The following SLAIN1 variants were observed in gnomAD, a reference collection of about 807,000 sequenced individuals.
SLAIN1 encodes SLAIN motif-containing protein 1.
In SLAIN1, 17 loss-of-function variants were observed where a neutral mutation model predicts 55.4. The observed-to-expected ratio is 0.31, with a 90% CI of 0.21 to 0.46. SLAIN1 has a LOEUF of 0.46. Ranked by LOEUF, SLAIN1 falls within the 20% of genes least tolerant of loss-of-function variation. The pLI is 1.00. For missense variants in SLAIN1, 682 were observed against 785.1 expected (o/e 0.87, Z 1.57); for synonymous variants, 348 against 337.4 (o/e 1.03, Z -0.35).
rs543286961 is a variant in SLAIN1, at chr13:77,732,407, A to G, written c.767-11876A>G. On this transcript the variant is annotated intron_variant, in intron 2 of 6. Transcript: ENST00000418532. ...TGTAACATATTGCTTACCTTACCTCATGATTTCAGTGTAGAACCTGTAAGT... is the reference window on the plus strand; with the variant it reads ...TGTAACATATTGCTTACCTTACCTCGTGATTTCAGTGTAGAACCTGTAAGT... Among the ~76,000 whole-genome samples the G allele has an allele frequency of 3.3e-5, 5 of 152,186 alleles. No individual in the cohort carries two copies. In the South Asian group the frequency reaches 8.3e-4, roughly 25 times the overall value.
intron 1 of SLAIN1, among the ~76,000 whole-genome samples, chr13:77,719,072 G>A (rs1393600957): frequency 1.3e-5 from 2 of 152,020 alleles, no homozygotes; most frequent in East Asian, 3.9e-4. Context: ...TGGCTTTTAC[G>A]GGTGTTTAGA....
rs527451652 is a variant in SLAIN1 at position 77,745,216 on chromosome 13, C to T, written c.916+784C>T. ...GAAATTGCATACAGCTTAATACTCT[C>T]TCTATCTCTTTCTGACACAGACACA... On this transcript the variant is annotated intron_variant, in intron 3 of 6. Transcript: ENST00000418532. Among the ~76,000 whole-genome samples the T allele has an allele frequency of 2.6e-5, 4 of 151,984 alleles. No homozygotes were observed. The South Asian group carries it at 8.3e-4, about 32-fold the overall frequency.
intron 2 of SLAIN1, among the ~76,000 whole-genome samples, chr13:77,734,979 C>T (rs557876732): frequency 6.6e-6 from 1 of 152,066 alleles, no homozygotes; most frequent in South Asian, 2.1e-4. Context: ...GAGATCGTGC[C>T]ACTGCACTCC....
intron 2 of SLAIN1, among the ~76,000 whole-genome samples, chr13:77,738,270 A>G (rs1873239696): frequency 6.6e-6 from 1 of 151,544 alleles, no homozygotes; most frequent in Non-Finnish European, 1.5e-5. Flanking sequence ...ATACATATAT[A>G]TATATTTTTT....
intron 2 of SLAIN1, among the ~76,000 whole-genome samples, chr13:77,738,612 A>G (rs1873256027): frequency 6.6e-6 from 1 of 152,100 alleles, no homozygotes; most frequent in African/African-American, 2.4e-5. Context: ...AAACTAACGC[A>G]GAACAGAAAA....
chr13:77,699,188 C>T, intron 1 of SLAIN1: 2 of 759,802 alleles, frequency 2.6e-6, no homozygotes, highest in South Asian at 2.1e-5. Context: ...TAAATAGTGC[C>T]AATAAAGAGG....
rs919707117 is a variant in SLAIN1 at position 77,702,665 on chromosome 13, G to A, written c.626+4126G>A. Among the ~76,000 whole-genome samples, 7 of 151,992 alleles carry A rather than the reference G, an allele frequency of 4.6e-5. No homozygotes were observed. In the East Asian group the frequency reaches 1.2e-3, roughly 25 times the overall value. On this transcript the variant is annotated intron_variant, in intron 1 of 6. Transcript: ENST00000418532. Reference sequence around the variant, plus strand: ...CTCTTCTAGTTACTGATAGAGTTCAGACTAAAAATCAGATTATTTGTCCAG... The same window carrying A: ...CTCTTCTAGTTACTGATAGAGTTCAAACTAAAAATCAGATTATTTGTCCAG...
chr13:77,763,029 A>T (rs1875169581), intron 6 of SLAIN1, 116 bp from the exon 7 acceptor site: 11 of 786,230 alleles, frequency 1.4e-5, no homozygotes, highest in Non-Finnish European at 2.3e-5. Context: ...AGATGGTGCC[A>T]GTGGCTTCTC....
rs1202347341 is a variant in SLAIN1, at chr13:77,698,701, C to G, written c.626+162C>G. On this transcript the variant is annotated intron_variant, in intron 1 of 6. Transcript: ENST00000418532. This position sits in a 1 kb window ranked among gnomAD's most constrained non-coding sequence, Gnocchi z 4.1. ...CAGCAGGTGTTGAGCCAGGCGGTGA[C>G]ACTTCCCACGATGAGGCTTCTCATG... Among the ~76,000 whole-genome samples, 1 of 152,200 alleles carries G rather than the reference C, an allele frequency of 6.6e-6. No homozygotes were observed.
intron 1 of SLAIN1, among the ~76,000 whole-genome samples, chr13:77,718,282 A>G (rs975142945): frequency 1.3e-5 from 2 of 152,090 alleles, no homozygotes; most frequent in African/African-American, 4.8e-5. Context: ...GAATGTGAAA[A>G]CTATGGGAAA....
chr13:77,726,832 CAAGTTACTTAAGTT>C (rs1327448548), intron 2 of SLAIN1, among the ~76,000 whole-genome samples: 1 of 152,134 alleles, frequency 6.6e-6, no homozygotes, highest in Non-Finnish European at 1.5e-5. Context: ...TCAGCACAGT[CAAGTTACTTAAGTT>C]TTCTCAGCCT....
At chr13:77,700,799 A>C (rs74095842) in intron 1 of SLAIN1, among the ~76,000 whole-genome samples, 1 of 152,128 alleles carries the variant, frequency 6.6e-6, no homozygotes, top group Non-Finnish European at 1.5e-5. Flanking sequence ...GAGTGGGTAT[A>C]TAGTACCTTA....
intron 2 of SLAIN1, among the ~76,000 whole-genome samples, chr13:77,738,832 A>G (rs1295238827): frequency 3.3e-5 from 5 of 152,094 alleles, no homozygotes; most frequent in Admixed American, 6.6e-5. Flanking sequence ...GAATGTATCG[A>G]AATGCTACCA....
At chr13:77,749,905 G>A (rs1874090514) in intron 4 of SLAIN1, among the ~76,000 whole-genome samples, 2 of 152,250 alleles carry the variant, frequency 1.3e-5, no homozygotes, top group Admixed American at 1.3e-4. Flanking sequence ...TTAAATATGA[G>A]TAAAGATTGG....
intron 2 of SLAIN1, among the ~76,000 whole-genome samples, chr13:77,736,099 T>C (rs1311109290): frequency 6.6e-6 from 1 of 152,156 alleles, no homozygotes; most frequent in Non-Finnish European, 1.5e-5. Context: ...AGATTAGAAT[T>C]GTTCCAGAGA....
chr13:77,760,951 C>T lies in SLAIN1; in HGVS notation c.1538C>T (p.Pro513Leu). 1 of 1,614,168 alleles carries T rather than the reference C, an allele frequency of 6.2e-7. No homozygotes were observed. The highest frequency in any genetic ancestry group is 8.5e-7 in the Non-Finnish European group (1 of 1,180,020). ...ACCGTTCAAGGCAGCAGTAACATGC[C>T]TTTATCAAACGGCTTACAGCTGTAT... ...SPTVQGSSNM[P>L]LSNGLQLYSN... Residue 513 changes from proline (P) to leucine (L), a missense_variant, in exon 6 of 7, where the codon CCT becomes CTT. Physicochemically the swap from Pro to Leu is moderately conservative, Grantham distance 98. This residue lies in a region of SLAIN1 where 244 missense variants were observed against 295.2 expected (regional missense o/e 0.83). Coordinates refer to ENST00000418532, the MANE Select transcript of SLAIN1 (RefSeq NM_001242868.2).
intron 2 of SLAIN1, among the ~76,000 whole-genome samples, chr13:77,724,695 C>T (rs892356643): frequency 3.9e-5 from 6 of 152,070 alleles, no homozygotes; most frequent in East Asian, 3.8e-4. Flanking sequence ...TGGAATAATG[C>T]GAGCTTTCCA....
At chr13:77,722,467 A>G (rs534435251) in intron 2 of SLAIN1, among the ~76,000 whole-genome samples, 4 of 152,162 alleles carry the variant, frequency 2.6e-5, no homozygotes, top group Non-Finnish European at 5.9e-5. Flanking sequence ...TTTATTTCCC[A>G]GATATACTTA....
Position 77,759,127 on chromosome 13 carries a change from CT to C in SLAIN1, c.1415-1699del, listed in dbSNP as rs1874821193. Among the ~76,000 whole-genome samples the C allele has an allele frequency of 2.0e-5, 3 of 151,932 alleles. No individual in the cohort carries two copies. In the South Asian group the frequency reaches 6.3e-4, roughly 32 times the overall value. On this transcript the variant is annotated intron_variant, in intron 5 of 6. Coordinates refer to ENST00000418532, the MANE Select transcript of SLAIN1 (RefSeq NM_001242868.2). ...CTTTCAACAGTGTTTTGTAGTTTTC[CT>C]TGTAAGATTTTTCACCTCCTTGGTT...
Sources: gnomAD v4.1 joint callset for allele counts (sites outside exome capture counted in the v4.1 genomes callset) on GRCh38, gnomAD v4.1.1 for gene constraint, gnomAD v4.1.1 regional missense constraint, Gnocchi (gnomAD v3.1) non-coding constraint, MANE v1.5 for transcripts, NCBI Gene and HGNC (gene_info 2026-07-23, HGNC 2026-07-21) for gene names.